GLRB: variants seen among roughly 807,000 people sequenced by gnomAD.
The protein encoded by GLRB is glycine receptor subunit beta.
Under a neutral mutation model 54.2 loss-of-function variants are expected in GLRB, and 33 were observed. The observed-to-expected ratio is 0.61, with a 90% CI of 0.46 to 0.81. The LOEUF is 0.81. Among genes scored for constraint, GLRB ranks in the 40% least tolerant of loss-of-function variants. The pLI is 0.00. For missense variants in GLRB, 572 were observed against 584.6 expected, an observed-to-expected ratio of 0.98 and a Z score of 0.22; for synonymous variants, 209 against 208.2, an observed-to-expected ratio of 1.00 and a Z score of -0.03.
At chr4:157,117,017 G>A (rs564818582) in intron 2 of GLRB, among the ~76,000 whole-genome samples, 2 of 151,644 alleles carry the variant, frequency 1.3e-5, no homozygotes, top group Non-Finnish European at 3.0e-5. Flanking sequence ...ACAATGTTGA[G>A]TTTTTGTTGC....
At chr4:157,166,026 G>A (rs1414586290) in intron 9 of GLRB, among the ~76,000 whole-genome samples, 1 of 151,914 alleles carries the variant, frequency 6.6e-6, no homozygotes, top group Non-Finnish European at 1.5e-5. Flanking sequence ...AAGAAATACT[G>A]CATAAAGTTA....
At chr4:157,105,754 T>C (rs1441434550) in intron 2 of GLRB, among the ~76,000 whole-genome samples, 2 of 152,076 alleles carry the variant, frequency 1.3e-5, no homozygotes, top group Non-Finnish European at 2.9e-5. Flanking sequence ...TACCCTTTTA[T>C]CATTATGTAA....
intron 2 of GLRB, among the ~76,000 whole-genome samples, chr4:157,112,545 A>T (rs1469426086): frequency 2.0e-5 from 3 of 151,988 alleles, no homozygotes; most frequent in African/African-American, 4.8e-5. Flanking sequence ...AGACAGAGAC[A>T]TTGAGATGAA....
chr4:157,090,227 T>C (rs991607520), intron 2 of GLRB, among the ~76,000 whole-genome samples: 17 of 152,194 alleles, frequency 1.1e-4, no homozygotes, highest in Non-Finnish European at 8.8e-5. Context: ...AATTACCTTA[T>C]TACAAATTGA....
At chr4:157,154,298 A>T (rs1338811585) in intron 9 of GLRB, among the ~76,000 whole-genome samples, 2 of 151,710 alleles carry the variant, frequency 1.3e-5, no homozygotes, top group Non-Finnish European at 2.9e-5. Flanking sequence ...CCATTCTCTT[A>T]TGTTTGAATT....
rs566885993 is a variant in GLRB, at chr4:157,147,385, G to A, written c.904+3426G>A. The stretch of plus-strand genomic sequence containing the variant: ...ATTACCATTAGACTAAAGGAGCTGG[G>A]GAGGTCATTGGTGTCCATGGACAGT... On this transcript the variant is annotated intron_variant, in intron 8 of 9. Coordinates refer to ENST00000264428, the MANE Select transcript of GLRB (RefSeq NM_000824.5). Among the ~76,000 whole-genome samples, 13 of 152,272 alleles carry A rather than the reference G, an allele frequency of 8.5e-5. No individual in the cohort carries two copies. The South Asian group carries it at 2.7e-3, about 32-fold the overall frequency.
chr4:157,104,959 T>C (rs1735167483), intron 2 of GLRB, among the ~76,000 whole-genome samples: 2 of 151,846 alleles, frequency 1.3e-5, no homozygotes, highest in Admixed American at 6.6e-5. Flanking sequence ...TGCATCTTCT[T>C]TCTTCTTTGT....
At chr4:157,083,100 A>G (rs1364890520) in intron 2 of GLRB, among the ~76,000 whole-genome samples, 1 of 151,798 alleles carries the variant, frequency 6.6e-6, no homozygotes, top group Non-Finnish European at 1.5e-5. Context: ...CTATTTTGCT[A>G]ATTTTATGTT....
intron 7 of GLRB, among the ~76,000 whole-genome samples, chr4:157,140,960 T>C (rs764784950): frequency 1.3e-5 from 2 of 151,866 alleles, no homozygotes; most frequent in Non-Finnish European, 2.9e-5. Context: ...TTTTAAGCTC[T>C]ACATTAAAAA....
chr4:157,134,853 T>A (rs2126562395), intron 4 of GLRB, among the ~76,000 whole-genome samples: 1 of 152,062 alleles, frequency 6.6e-6, no homozygotes, highest in African/African-American at 2.4e-5. Flanking sequence ...AGAGAGAAAT[T>A]GTTAATGCAA....
chr4:157,095,847 G>T (rs192318939), intron 2 of GLRB, among the ~76,000 whole-genome samples: 1 of 152,192 alleles, frequency 6.6e-6, no homozygotes, highest in East Asian at 1.9e-4. Flanking sequence ...GTCTGAGGAG[G>T]AAAAGTCATG....
chr4:157,127,035 G>A (rs960225602), intron 4 of GLRB, among the ~76,000 whole-genome samples: 1 of 151,450 alleles, frequency 6.6e-6, no homozygotes, highest in Non-Finnish European at 1.5e-5. Flanking sequence ...ACTCCTTTTG[G>A]GAAACACAGC....
In GLRB at chr4:157,169,310, G is replaced by A. The variant is rs574050274; in HGVS notation, c.1198-1122G>A. Among the ~76,000 whole-genome samples, 14 of 152,200 alleles carry A rather than the reference G, an allele frequency of 9.2e-5. No individual in the cohort carries two copies. In the South Asian group the frequency reaches 2.1e-3, roughly 23 times the overall value. The stretch of plus-strand genomic sequence containing the variant: ...ATGGTAAGAACAGTGAGAAAATGAA[G>A]CAATCTAGCCAAGAGCTAACCTTTT... On this transcript the variant is annotated intron_variant, in intron 9 of 9. Transcript: ENST00000264428.
At chr4:157,127,209 AT>A (rs1378428956) in intron 4 of GLRB, among the ~76,000 whole-genome samples, 1 of 151,700 alleles carries the variant, frequency 6.6e-6, no homozygotes, top group East Asian at 1.9e-4. Flanking sequence ...TTTACTATTT[AT>A]ATTTTGTTTT....
intron 8 of GLRB, among the ~76,000 whole-genome samples, chr4:157,151,881 T>C (rs572031820): frequency 6.6e-6 from 1 of 152,272 alleles, no homozygotes; most frequent in African/African-American, 2.4e-5. Context: ...AAAGTGAGTC[T>C]CCCTTGACAC....
intron 4 of GLRB, among the ~76,000 whole-genome samples, chr4:157,136,049 T>C (rs1462130748): frequency 1.3e-5 from 2 of 152,166 alleles, no homozygotes; most frequent in African/African-American, 4.8e-5. Flanking sequence ...TATTAAGTAA[T>C]AATCTAAATT....
intron 2 of GLRB, among the ~76,000 whole-genome samples, chr4:157,096,994 TC>T (rs1734837180): frequency 6.6e-6 from 1 of 152,224 alleles, no homozygotes; most frequent in Non-Finnish European, 1.5e-5. Context: ...TTTGCTTAAT[TC>T]CTTGGTTTTA....
chr4:157,078,967 T>C (rs1734135967), intron 2 of GLRB, among the ~76,000 whole-genome samples: 1 of 152,262 alleles, frequency 6.6e-6, no homozygotes, highest in African/African-American at 2.4e-5. Context: ...AGAGACAGGA[T>C]TTCACCATGT....
At chr4:157,168,226 C>G (rs184293072) in intron 9 of GLRB, among the ~76,000 whole-genome samples, 3 of 151,908 alleles carry the variant, frequency 2.0e-5, no homozygotes, top group Non-Finnish European at 2.9e-5. Context: ...CTCTTTCACA[C>G]TCAGTTGAGC....
Sources: allele counts gnomAD v4.1 joint callset (sites outside exome capture counted in the v4.1 genomes callset), GRCh38; gene constraint gnomAD v4.1.1; transcripts MANE v1.5; gene names NCBI Gene and HGNC (gene_info 2026-07-23, HGNC 2026-07-21).